USP7: variants seen among roughly 807,000 people sequenced by gnomAD.
USP7 encodes ubiquitin specific peptidase 7.
Under a neutral mutation model 162.9 loss-of-function variants are expected in USP7, and 9 were observed. That is an observed-to-expected ratio of 0.06 (90% CI 0.03 to 0.10). The LOEUF (loss-of-function observed/expected upper bound fraction) is 0.10. USP7 is among the 10% of genes least tolerant of loss of function. The pLI is 1.00. For missense variants in USP7, 715 were observed against 1,373.7 expected (o/e 0.52, Z 7.58); for synonymous variants, 562 against 475.9 (o/e 1.18, Z -2.35).
At chr16:8,939,440 C>A (rs1012915807) in intron 1 of USP7, among the ~76,000 whole-genome samples, 1 of 152,204 alleles carries the variant, frequency 6.6e-6, no homozygotes, top group Non-Finnish European at 1.5e-5. Flanking sequence ...TTGCTGACAT[C>A]TGGGTCCTTT....
At chr16:8,940,331 G>A (rs1351213878) in intron 1 of USP7, among the ~76,000 whole-genome samples, 2 of 152,180 alleles carry the variant, frequency 1.3e-5, no homozygotes, top group Non-Finnish European at 2.9e-5. Context: ...CCAAGAACCA[G>A]AACACCGCCA....
chr16:8,896,617 T>C (rs923230850), intron 26 of USP7, among the ~76,000 whole-genome samples: 1 of 152,188 alleles, frequency 6.6e-6, no homozygotes, highest in African/African-American at 2.4e-5. Flanking sequence ...AGTCACCCCT[T>C]CCAGTTTCAG....
intron 6 of USP7, among the ~76,000 whole-genome samples, chr16:8,918,178 T>C (rs1897480986): frequency 6.6e-6 from 1 of 152,210 alleles, no homozygotes; most frequent in African/African-American, 2.4e-5. Context: ...CATGCTGAGC[T>C]GTCCCTGGGA....
Position 8,920,409 on chromosome 16 carries a change from G to C in USP7, c.561C>G (p.Asp187Glu). 2 of 1,613,620 alleles carry C rather than the reference G, an allele frequency of 1.2e-6. No homozygotes were observed. Among genetic ancestry groups the C allele is most frequent in the South Asian group, 1.1e-5 (1 of 90,862 alleles). Residue 187 changes from aspartate to glutamate, a missense_variant, in exon 5 of 31, where the codon GAC (aspartate) becomes GAG (glutamate). Around this residue, in one of 11 missense-constraint regions of USP7, gnomAD observed 30 missense variants for 27.6 expected, o/e 1.09. Transcript: ENST00000344836. ...TDPEKGFIDD[D>E]KVTFEVFVQA... ...GTACAAAGACTTCAAAGGTAACTTTGTCATCATCTATAAATCCTTTCTCAG... is the reference window on the plus strand; with the variant it reads ...GTACAAAGACTTCAAAGGTAACTTTCTCATCATCTATAAATCCTTTCTCAG...
At chr16:8,918,994 AGCGGAAG>A in intron 6 of USP7, 30 bp downstream of exon 6, 2 of 1,601,166 alleles carry the variant, frequency 1.2e-6, no homozygotes, top group Non-Finnish European at 8.5e-7. Context: ...AGAAAGGGTG[AGCGGAAG>A]GCTGCAGGAG....
rs2061623342 is a variant in USP7 at position 8,893,001 on chromosome 16, T to C, written c.*997A>G. The C allele has an allele frequency of 6.6e-6, 1 of 152,148 alleles. No homozygotes were observed. 9.4% of individuals were successfully genotyped at this position (152,148 alleles called of 1,614,324 possible). ...AACGGGGCTGGGACCGAAATAAAACTACACACAATGAATATCAACATCAGT... is the reference window on the plus strand; with the variant it reads ...AACGGGGCTGGGACCGAAATAAAACCACACACAATGAATATCAACATCAGT... On this transcript the variant is annotated 3_prime_UTR_variant, in exon 31 of 31. Transcript: ENST00000344836.
At position 8,915,011 on chromosome 16, in the gene USP7, C is replaced by G. The variant is rs533758026; in HGVS notation, c.1078+243G>C. On this transcript the variant is annotated intron_variant, in intron 10 of 30. Transcript: ENST00000344836. ...AAAGTTAACCCAGGGTGTTAGAAGT[C>G]CACGTGGTGGTTTCCTGTGAGGAGA... Among the ~76,000 whole-genome samples, 8 of 152,272 alleles carry G rather than the reference C, an allele frequency of 5.3e-5. No homozygotes were observed. In the South Asian group the frequency reaches 1.7e-3, roughly 32 times the overall value.
intron 1 of USP7, among the ~76,000 whole-genome samples, chr16:8,944,300 G>A (rs1899184214): frequency 6.6e-6 from 1 of 152,178 alleles, no homozygotes; most frequent in African/African-American, 2.4e-5. Flanking sequence ...GAGAGAGGGG[G>A]TGCAACAGCT....
chr16:8,960,301 C>G (rs142952736), intron 1 of USP7, among the ~76,000 whole-genome samples: 1 of 152,318 alleles, frequency 6.6e-6, no homozygotes, highest in East Asian at 1.9e-4. Flanking sequence ...GGCCCCACCT[C>G]TTCCCTCTCC....
intron 1 of USP7, among the ~76,000 whole-genome samples, chr16:8,958,170 C>A (rs1426138144): frequency 1.3e-5 from 2 of 152,230 alleles, no homozygotes; most frequent in Admixed American, 6.5e-5. Context: ...CACCCCAATG[C>A]CCATCCCACC....
intron 6 of USP7, among the ~76,000 whole-genome samples, chr16:8,918,142 AAAACTT>A (rs1349789797): frequency 1.3e-5 from 2 of 152,158 alleles, no homozygotes; most frequent in Non-Finnish European, 2.9e-5. Context: ...GATTTGATTA[AAAACTT>A]AAATGTGACT....
intron 1 of USP7, among the ~76,000 whole-genome samples, chr16:8,939,534 TGAAA>T (rs1898935021): frequency 6.6e-6 from 1 of 152,214 alleles, no homozygotes; most frequent in African/African-American, 2.4e-5. Context: ...TTTTGAGTTC[TGAAA>T]GAAGTAAACA....
At chr16:8,940,606 C>T (rs1362534834) in intron 1 of USP7, among the ~76,000 whole-genome samples, 1 of 152,154 alleles carries the variant, frequency 6.6e-6, no homozygotes, top group Non-Finnish European at 1.5e-5. Flanking sequence ...GAGGCATCCA[C>T]AGAAACAGGG....
At chr16:8,945,503 C>A (rs574512159) in intron 1 of USP7, among the ~76,000 whole-genome samples, 113 of 152,290 alleles carry the variant, frequency 7.4e-4, no homozygotes, top group Admixed American at 2.5e-3. Flanking sequence ...TATAAACCAA[C>A]AGACACCTTG....
At chr16:8,927,771 G>A (rs951425790) in intron 2 of USP7, among the ~76,000 whole-genome samples, 4 of 152,252 alleles carry the variant, frequency 2.6e-5, no homozygotes, top group African/African-American at 4.8e-5. Context: ...AGGAGGTGGA[G>A]GTTGCAGTGA....
rs951727299 is a variant in USP7 at position 8,921,011 on chromosome 16, A to G, written c.522+146T>C. ...CTAAAAACGTAAGATACGAAACTGG[A>G]GAAAACATGTTTTCAAAGACACTTG... On this transcript the variant is annotated intron_variant, in intron 4 of 30. Transcript: ENST00000344836. The G allele has an allele frequency of 8.7e-6, 8 of 921,830 alleles. No homozygotes were observed. In the Admixed American group the frequency reaches 1.5e-4, roughly 18 times the overall value. The allele number at this position is 921,830 out of a possible 1,614,324, so 57.1% of individuals were successfully genotyped here.
In USP7 at chr16:8,963,867, G is replaced by C. The variant is rs1421705661; in HGVS notation, c.-582C>G. ...CAGCGGACGCGGCGCCCGGCAGCTC[G>C]GCTCGGCTCGCTCTCAAAATGGCGG... On this transcript the variant is annotated 5_prime_UTR_variant, in exon 1 of 31. Transcript: ENST00000344836. 6.8e-6 allele frequency among the ~76,000 whole-genome samples: 1 copy of C among 146,814 alleles called. No individual in the cohort carries two copies. The highest frequency in any genetic ancestry group is 1.5e-5 in the Non-Finnish European group (1 of 65,906).
At chr16:8,934,382 T>G (rs1898556125) in intron 1 of USP7, among the ~76,000 whole-genome samples, 1 of 152,154 alleles carries the variant, frequency 6.6e-6, no homozygotes, top group African/African-American at 2.4e-5. Flanking sequence ...TTGGGTGACT[T>G]GAGAGAGACT....
Position 8,897,726 on chromosome 16 carries a change from A to AAAAAAATATATAT in USP7, c.2719-628_2719-627insATATATATTTTTT, listed in dbSNP as rs1555461671. Among the ~76,000 whole-genome samples the AAAAAAATATATAT allele has an allele frequency of 3.2e-3, 23 of 7,136 alleles. 2 individuals carry two copies. Among genetic ancestry groups the AAAAAAATATATAT allele is most frequent in the South Asian group, 0.022 (3 of 134 alleles). The allele number at this position is 7,136 out of a possible 152,430, so 4.7% of individuals were successfully genotyped here. A position where few individuals can be genotyped will look rare whatever the true frequency, so the allele number is the denominator to read the frequency against. ...AAAAAAAAAAAAAAAAAAAAAAAAA[A>AAAAAAATATATAT]ATATATATATATATATATATAAATG... On this transcript the variant is annotated intron_variant, in intron 25 of 30. Coordinates refer to ENST00000344836, the MANE Select transcript of USP7 (RefSeq NM_003470.3).
Sources: allele counts gnomAD v4.1 joint callset (sites outside exome capture counted in the v4.1 genomes callset), GRCh38; gene constraint gnomAD v4.1.1; regional missense constraint gnomAD v4.1.1; transcripts MANE v1.5; gene names NCBI Gene and HGNC (gene_info 2026-07-23, HGNC 2026-07-21).